CDH4: variants seen among roughly 807,000 people sequenced by gnomAD.
CDH4 encodes cadherin-4.
Under a neutral mutation model 86.0 loss-of-function variants are expected in CDH4, and 33 were observed. That is an observed-to-expected ratio of 0.38 (90% CI 0.29 to 0.51). CDH4 has a LOEUF of 0.51. CDH4 is among the 20% of genes least tolerant of loss of function. The pLI is 0.86. For synonymous variants in CDH4, 555 were observed against 549.4 expected (o/e 1.01, Z -0.14); for missense variants, 1,114 against 1,307.4 (o/e 0.85, Z 2.28).
chr20:61,584,674 A>T (rs1333518248), intron 2 of CDH4, among the ~76,000 whole-genome samples: 1 of 152,246 alleles, frequency 6.6e-6, no homozygotes, highest in Non-Finnish European at 1.5e-5. Context: ...CGAGCTCAGC[A>T]GATAACCCTG....
At chr20:61,553,026 G>T (rs957748383) in intron 2 of CDH4, among the ~76,000 whole-genome samples, 2 of 152,232 alleles carry the variant, frequency 1.3e-5, no homozygotes, top group African/African-American at 4.8e-5. Context: ...TAGTCAAACA[G>T]TGGAAACAAC....
At chr20:61,262,217 C>T (rs140740401) in intron 2 of CDH4, among the ~76,000 whole-genome samples, 5,540 of 152,280 alleles carry the variant, frequency 0.036, 147 homozygotes, top group South Asian at 0.064. Context: ...GGCTCCCTGA[C>T]GGCCTCTCTT....
intron 4 of CDH4, among the ~76,000 whole-genome samples, chr20:61,842,596 A>C (rs6121816): frequency 7.9e-5 from 12 of 152,372 alleles, no homozygotes; most frequent in South Asian, 6.2e-4. Flanking sequence ...CTATGCTTGC[A>C]TAACATATAG....
At chr20:61,425,382 A>G (rs2085206742) in intron 2 of CDH4, among the ~76,000 whole-genome samples, 1 of 151,384 alleles carries the variant, frequency 6.6e-6, no homozygotes, top group South Asian at 2.1e-4. Context: ...GAGCCAGGAC[A>G]GAGGCAGCGG....
chr20:61,743,140 G>C (rs1334240836), intron 2 of CDH4, among the ~76,000 whole-genome samples: 1 of 152,216 alleles, frequency 6.6e-6, no homozygotes, highest in Non-Finnish European at 1.5e-5. Context: ...GGAAAAACAG[G>C]TCCATTAGTG....
chr20:61,647,604 T>A (rs1442273542), intron 2 of CDH4, among the ~76,000 whole-genome samples: 1 of 132,448 alleles, frequency 7.6e-6, no homozygotes, highest in African/African-American at 2.9e-5. Context: ...CCTCACAAGG[T>A]GTCAAGGGGC....
intron 2 of CDH4, among the ~76,000 whole-genome samples, chr20:61,479,456 G>A (rs1038756577): frequency 6.6e-6 from 1 of 151,878 alleles, no homozygotes; most frequent in East Asian, 1.9e-4. Flanking sequence ...GCGGTGTTTG[G>A]TTTTTTGTCC....
In CDH4 at chr20:61,597,733, G is replaced by C. The variant is rs574272547; in HGVS notation, c.170-145830G>C. On this transcript the variant is annotated intron_variant, in intron 2 of 15. Coordinates refer to ENST00000614565, the MANE Select transcript of CDH4 (RefSeq NM_001794.5). Reference sequence around the variant, plus strand: ...TGCGCCTTCAGCGACTCTCACAGGAGAGGGGCAGGGTGGCCCATGAAGGAG... The same window carrying C: ...TGCGCCTTCAGCGACTCTCACAGGACAGGGGCAGGGTGGCCCATGAAGGAG... Among the ~76,000 whole-genome samples the C allele has an allele frequency of 1.2e-3, 185 of 152,336 alleles. 1 individual carries two copies. Among genetic ancestry groups the C allele is most frequent in the Non-Finnish European group, 2.3e-3 (155 of 68,028 alleles).
At chr20:61,325,679 G>A (rs971327556) in intron 2 of CDH4, among the ~76,000 whole-genome samples, 5 of 152,150 alleles carry the variant, frequency 3.3e-5, no homozygotes, top group South Asian at 2.1e-4. Flanking sequence ...AGCGGGCCCC[G>A]ACAGGAAGGG....
intron 3 of CDH4, among the ~76,000 whole-genome samples, chr20:61,763,660 C>T (rs1031535958): frequency 6.6e-6 from 1 of 152,062 alleles, no homozygotes; most frequent in Admixed American, 6.5e-5. Flanking sequence ...TGGGGAAAGA[C>T]CCCTCGTCTT....
chr20:61,817,074 A>G (rs918001908), intron 4 of CDH4, among the ~76,000 whole-genome samples: 2 of 152,250 alleles, frequency 1.3e-5, no homozygotes, highest in Non-Finnish European at 2.9e-5. Flanking sequence ...TTGGCTGGGC[A>G]CATGGCGACC....
intron 6 of CDH4, among the ~76,000 whole-genome samples, chr20:61,871,399 A>T (rs1214142367): frequency 1.3e-5 from 2 of 152,102 alleles, no homozygotes; most frequent in African/African-American, 4.8e-5. Context: ...TTTAAAAAGG[A>T]GGCTGTGTGT....
At chr20:61,901,213 C>G (rs549984246) in intron 8 of CDH4, among the ~76,000 whole-genome samples, 32 of 44,186 alleles carry the variant, frequency 7.2e-4, no homozygotes, top group Middle Eastern at 0.011. Flanking sequence ...GGAGCAGGAG[C>G]AGGAGGAGTA....
intron 3 of CDH4, among the ~76,000 whole-genome samples, chr20:61,757,196 G>A (rs1194409787): frequency 2.0e-5 from 3 of 152,006 alleles, no homozygotes; most frequent in African/African-American, 7.3e-5. Context: ...AGCGTGTATT[G>A]GTATCTCCAC....
At chr20:61,799,652 C>A (rs796694668) in intron 4 of CDH4, among the ~76,000 whole-genome samples, 4 of 152,318 alleles carry the variant, frequency 2.6e-5, no homozygotes, top group African/African-American at 9.6e-5. Flanking sequence ...AGGAGGGGTG[C>A]TGGGGTATCT....
Position 61,575,031 on chromosome 20 carries a change from C to T in CDH4, c.170-168532C>T, listed in dbSNP as rs370285276. The stretch of plus-strand genomic sequence containing the variant: ...GGGAAGGTGCGGCACAGGGTCTGAG[C>T]TCGGGGTTTTGTTAATGAGGTTCTA... On this transcript the variant is annotated intron_variant, in intron 2 of 15. Transcript: ENST00000614565. Among the ~76,000 whole-genome samples the T allele has an allele frequency of 2.0e-5, 3 of 152,298 alleles. No homozygotes were observed. The East Asian group carries it at 5.8e-4, about 29-fold the overall frequency.
chr20:61,583,943 G>C (rs2086451386), intron 2 of CDH4, among the ~76,000 whole-genome samples: 1 of 152,192 alleles, frequency 6.6e-6, no homozygotes. Context: ...TGGATTGCTT[G>C]AGGCCAGGAG....
chr20:61,710,524 T>C lies in CDH4; in HGVS notation c.170-33039T>C, dbSNP rs544545101. Reference sequence around the variant, plus strand: ...CTTCAGTCCACCAGCTGCATCACCATTGATAATTAAAGCAATGTGCGTTGA... The same window carrying C: ...CTTCAGTCCACCAGCTGCATCACCACTGATAATTAAAGCAATGTGCGTTGA... On this transcript the variant is annotated intron_variant, in intron 2 of 15. Transcript: ENST00000614565. 1.9e-4 allele frequency among the ~76,000 whole-genome samples: 29 copies of C among 152,320 alleles called. No homozygotes were observed. In the South Asian group the frequency reaches 5.8e-3, roughly 30 times the overall value.
chr20:61,709,040 C>G lies in CDH4; in HGVS notation c.170-34523C>G, dbSNP rs1026015991. ...CTACACGGGCAGTGGGGCTGCGGCC[C>G]AGCTCAGGCCTGGCTCATGATGGGA... On this transcript the variant is annotated intron_variant, in intron 2 of 15. Transcript: ENST00000614565. The surrounding 1 kb of genome is among the most constrained non-coding windows in gnomAD (Gnocchi z 4.8). 7.9e-5 allele frequency among the ~76,000 whole-genome samples: 12 copies of G among 152,232 alleles called. No homozygotes were observed. Among genetic ancestry groups the G allele is most frequent in the African/African-American group, 2.9e-4 (12 of 41,464 alleles).
Sources: allele counts gnomAD v4.1 joint callset (sites outside exome capture counted in the v4.1 genomes callset), GRCh38; gene constraint gnomAD v4.1.1; non-coding constraint Gnocchi (gnomAD v3.1); transcripts MANE v1.5; gene names NCBI Gene and HGNC (gene_info 2026-07-23, HGNC 2026-07-21).